Variants in CFAP70 observed in about 807,000 individuals in gnomAD.
CFAP70 encodes cilia- and flagella-associated protein 70.
Under a neutral mutation model 137.6 loss-of-function variants are expected in CFAP70, and 81 were observed. The observed-to-expected ratio is 0.59, with a 90% confidence interval of 0.49 to 0.71. CFAP70 has a LOEUF of 0.71. Ranked by LOEUF, CFAP70 falls within the 30% of genes least tolerant of loss-of-function variation. The pLI is 0.00. For missense variants in CFAP70, 976 were observed against 1,226.7 expected (o/e 0.80, Z 3.05); for synonymous variants, 382 against 423.6 (o/e 0.90, Z 1.20).
intron 25 of CFAP70, among the ~76,000 whole-genome samples, chr10:73,261,148 A>C (rs577071581): frequency 8.6e-5 from 13 of 150,466 alleles, no homozygotes; most frequent in African/African-American, 2.7e-4. Flanking sequence ...TTTTGAGACA[A>C]GATCTCATTC....
intron 15 of CFAP70, chr10:73,295,410 A>C (rs1298161410): frequency 6.6e-6 from 1 of 151,624 alleles, no homozygotes; most frequent in Admixed American, 6.6e-5. Context: ...GGAGGGAGGG[A>C]AGAAAATCCC....
intron 3 of CFAP70, among the ~76,000 whole-genome samples, chr10:73,349,607 C>T (rs1258796374): frequency 1.3e-5 from 2 of 152,040 alleles, no homozygotes. Context: ...CCTATATTGC[C>T]TACCATAAGG....
intron 11 of CFAP70, among the ~76,000 whole-genome samples, chr10:73,311,494 C>G (rs144880157): frequency 3.3e-4 from 50 of 152,294 alleles, no homozygotes; most frequent in African/African-American, 1.2e-3. Context: ...TAGTTATATA[C>G]CAGTCTGTTT....
At chr10:73,299,003 A>T in exon 14 of CFAP70, 1 of 1,612,988 alleles carries the variant, frequency 6.2e-7, no homozygotes. Flanking sequence ...TATCCATATC[A>T]CTCTCCAGTT....
At chr10:73,270,949 A>C (rs764738880) in intron 24 of CFAP70, among the ~76,000 whole-genome samples, 6 of 152,166 alleles carry the variant, frequency 3.9e-5, no homozygotes, top group Non-Finnish European at 7.3e-5. Flanking sequence ...TGAGACATTG[A>C]TTCATTATTT....
intron 25 of CFAP70, among the ~76,000 whole-genome samples, chr10:73,266,787 T>G (rs576814003): frequency 6.6e-6 from 1 of 152,278 alleles, no homozygotes; most frequent in Non-Finnish European, 1.5e-5. Flanking sequence ...AACAAAATTC[T>G]TAGTCATGCA....
At chr10:73,259,753 G>C (rs1291127155) in intron 25 of CFAP70, among the ~76,000 whole-genome samples, 1 of 152,172 alleles carries the variant, frequency 6.6e-6, no homozygotes, top group African/African-American at 2.4e-5. Context: ...GCACAGGGCT[G>C]GGTGCAGCAG....
chr10:73,308,532 G>A (rs539297865), intron 12 of CFAP70, among the ~76,000 whole-genome samples: 3 of 151,658 alleles, frequency 2.0e-5, no homozygotes, highest in South Asian at 4.2e-4. Context: ...GGAGGCTGAG[G>A]CAGGAGAATC....
intron 26 of CFAP70, among the ~76,000 whole-genome samples, chr10:73,255,979 A>C (rs746293010): frequency 1.3e-5 from 2 of 152,102 alleles, no homozygotes; most frequent in Non-Finnish European, 2.9e-5. Flanking sequence ...ATCCCCCAAA[A>C]TTTCCTATTT....
chr10:73,260,851 T>C (rs181720875), intron 25 of CFAP70, among the ~76,000 whole-genome samples: 249 of 152,352 alleles, frequency 1.6e-3, no homozygotes, highest in Admixed American at 4.1e-3. Flanking sequence ...TATTTACCCA[T>C]TCACTGATGG....
At chr10:73,311,721 C>A (rs1485359380) in intron 11 of CFAP70, 113 bp downstream of exon 12, 9 of 890,508 alleles carry the variant, frequency 1.0e-5, no homozygotes, top group Non-Finnish European at 1.6e-5. Flanking sequence ...TAGTCATGGG[C>A]AAATATGGAA....
intron 9 of CFAP70, among the ~76,000 whole-genome samples, chr10:73,313,493 T>C (rs2050097004): frequency 7.2e-6 from 1 of 139,770 alleles, no homozygotes; most frequent in African/African-American, 2.7e-5. Flanking sequence ...CAGTGAGCCA[T>C]GACTACACCA....
intron 19 of CFAP70, among the ~76,000 whole-genome samples, 177 bp from the exon 21 acceptor site, chr10:73,278,514 A>C (rs1455327443): frequency 6.6e-6 from 1 of 152,236 alleles, no homozygotes; most frequent in East Asian, 1.9e-4. Context: ...TATAAGCTAA[A>C]CTGACAAAAC....
intron 6 of CFAP70, 47 bp downstream of exon 7, chr10:73,341,352 G>A (rs1169055130): frequency 6.7e-7 from 1 of 1,497,042 alleles, no homozygotes; most frequent in East Asian, 2.3e-5. Context: ...TTTATCATCT[G>A]TCAGTACACT....
At chr10:73,266,280 T>C (rs1396315689) in intron 25 of CFAP70, among the ~76,000 whole-genome samples, 2 of 152,204 alleles carry the variant, frequency 1.3e-5, no homozygotes, top group Non-Finnish European at 2.9e-5. Flanking sequence ...TACAATGAGT[T>C]TTGCTTCCAC....
At chr10:73,260,660 C>A (rs926022451) in intron 25 of CFAP70, among the ~76,000 whole-genome samples, 1 of 152,146 alleles carries the variant, frequency 6.6e-6, no homozygotes, top group Admixed American at 6.5e-5. Context: ...ACCTTTAGCT[C>A]CAGGCAACCA....
chr10:73,336,720 G>A (rs1305759887), intron 6 of CFAP70, among the ~76,000 whole-genome samples: 1 of 151,536 alleles, frequency 6.6e-6, no homozygotes, highest in Non-Finnish European at 1.5e-5. Flanking sequence ...GGAGTAGCTG[G>A]GACTACAGGC....
chr10:73,337,440 C>T (rs1349633415), intron 6 of CFAP70, among the ~76,000 whole-genome samples: 3 of 151,976 alleles, frequency 2.0e-5, no homozygotes, highest in Admixed American at 6.6e-5. Context: ...GCTGAGATAG[C>T]GCCATTGCAC....
intron 8 of CFAP70, among the ~76,000 whole-genome samples, chr10:73,324,863 G>T (rs1453449001): frequency 2.6e-5 from 4 of 152,210 alleles, no homozygotes; most frequent in Non-Finnish European, 5.9e-5. Context: ...CGTCTGATTG[G>T]TGTACCTGAA....
Sources: gnomAD v4.1 joint callset for allele counts (sites outside exome capture counted in the v4.1 genomes callset) on GRCh38, gnomAD v4.1.1 for gene constraint, MANE v1.5 for transcripts, NCBI Gene and HGNC (gene_info 2026-07-23, HGNC 2026-07-21) for gene names.